HDAC9: variants seen among roughly 807,000 people sequenced by gnomAD.
The protein encoded by HDAC9 is MEF-2 interacting transcription repressor (MITR) protein.
A neutral mutation model predicts 139.4 loss-of-function variants in HDAC9; 41 were observed. The ratio of observed to expected loss-of-function variants is 0.29; its 90% confidence interval spans 0.23 to 0.38. The LOEUF (loss-of-function observed/expected upper bound fraction) is 0.38, where lower values mean the gene tolerates loss of function less well. Ranked by LOEUF, HDAC9 falls within the 10% of genes least tolerant of loss-of-function variation. The pLI is 1.00. For synonymous variants in HDAC9, 517 were observed against 476.2 expected (o/e 1.09, Z -1.12); for missense variants, 1,147 against 1,297.0 (o/e 0.88, Z 1.78).
intron 6 of HDAC9, among the ~76,000 whole-genome samples, chr7:18,614,561 A>G (rs1305671312): frequency 6.6e-6 from 1 of 152,020 alleles, no homozygotes; most frequent in African/African-American, 2.4e-5. Flanking sequence ...CTTGGTAAAT[A>G]TTTGTTGAAT....
At chr7:18,813,234 A>C (rs1323504824) in intron 17 of HDAC9, among the ~76,000 whole-genome samples, 1 of 152,124 alleles carries the variant, frequency 6.6e-6, no homozygotes, top group East Asian at 1.9e-4. Context: ...AAAGAAAAAG[A>C]AACAGTGGAG....
intron 21 of HDAC9, among the ~76,000 whole-genome samples, chr7:18,870,508 A>G (rs566388307): frequency 1.3e-5 from 2 of 152,268 alleles, no homozygotes; most frequent in Admixed American, 1.3e-4. Flanking sequence ...GATATGTCCA[A>G]TCATAGGAGA....
At chr7:18,481,502 C>T (rs1044754257) in intron 1 of HDAC9, among the ~76,000 whole-genome samples, 1 of 152,162 alleles carries the variant, frequency 6.6e-6, no homozygotes, top group African/African-American at 2.4e-5. Flanking sequence ...CTGCTGAACA[C>T]TATGGGTTAT....
At chr7:18,103,037 C>G (rs1333325537) in intron 1 of HDAC9, among the ~76,000 whole-genome samples, 1 of 152,168 alleles carries the variant, frequency 6.6e-6, no homozygotes. Context: ...AAGGGACTCA[C>G]AGTTCCACAT....
At chr7:18,471,315 G>A (rs1794705024) in intron 1 of HDAC9, among the ~76,000 whole-genome samples, 1 of 152,132 alleles carries the variant, frequency 6.6e-6, no homozygotes, top group Admixed American at 6.6e-5. Flanking sequence ...CACTGTCCCT[G>A]TATTTGATAT....
chr7:18,826,604 A>G (rs1157854835), intron 17 of HDAC9, among the ~76,000 whole-genome samples: 1 of 151,844 alleles, frequency 6.6e-6, no homozygotes, highest in Non-Finnish European at 1.5e-5. Context: ...TACTTCGTTC[A>G]AGGAATTTGG....
At chr7:18,812,925 T>C (rs1448480092) in intron 17 of HDAC9, among the ~76,000 whole-genome samples, 6 of 152,142 alleles carry the variant, frequency 3.9e-5, no homozygotes, top group Admixed American at 3.9e-4. Flanking sequence ...TTCAACCTGC[T>C]GCTAATATCA....
At position 18,739,240 on chromosome 7, in the gene HDAC9, C is replaced by T. The variant is rs1186378868; in HGVS notation, c.1910-9765C>T. The stretch of plus-strand genomic sequence containing the variant: ...TTAGCTCAGAGATGTTTGTTATTAC[C>T]AACCTTCTGAAGCCTACTTTTGTCA... On this transcript the variant is annotated intron_variant, in intron 13 of 25. Transcript: ENST00000686413. Among the ~76,000 whole-genome samples, 3 of 152,092 alleles carry T rather than the reference C, an allele frequency of 2.0e-5. No homozygotes were observed. In the East Asian group the frequency reaches 5.8e-4, roughly 29 times the overall value.
chr7:18,104,357 T>G (rs1425110099), intron 1 of HDAC9, among the ~76,000 whole-genome samples: 1 of 152,162 alleles, frequency 6.6e-6, no homozygotes, highest in Non-Finnish European at 1.5e-5. Flanking sequence ...AGGCCTTCAT[T>G]TTTTTAAAAC....
At chr7:18,350,221 C>A (rs1234793662) in intron 1 of HDAC9, among the ~76,000 whole-genome samples, 2 of 152,036 alleles carry the variant, frequency 1.3e-5, no homozygotes, top group East Asian at 1.9e-4. Flanking sequence ...CTGAAAACAT[C>A]ATTTCATTGA....
chr7:18,511,643 T>C (rs1348459173), intron 2 of HDAC9, among the ~76,000 whole-genome samples: 1 of 152,076 alleles, frequency 6.6e-6, no homozygotes, highest in Admixed American at 6.6e-5. Flanking sequence ...TTAAATTGTT[T>C]AGTGGACACA....
At chr7:18,990,066 T>C (rs1785743779) in intron 25 of HDAC9, among the ~76,000 whole-genome samples, 1 of 152,206 alleles carries the variant, frequency 6.6e-6, no homozygotes, top group Non-Finnish European at 1.5e-5. Context: ...TCAAAGTCAT[T>C]CTCCGTCCAG....
At chr7:18,289,540 AG>A (rs1481750649), upstream of HDAC9, among the ~76,000 whole-genome samples, 1 of 152,202 alleles carries the variant, frequency 6.6e-6, no homozygotes, top group African/African-American at 2.4e-5. Flanking sequence ...ATCAAAAGCA[AG>A]AGCTAGTGAG....
chr7:18,412,067 A>G (rs974431213), intron 1 of HDAC9, among the ~76,000 whole-genome samples: 2 of 151,558 alleles, frequency 1.3e-5, no homozygotes, highest in African/African-American at 2.4e-5. Context: ...ACCTCAAATG[A>G]TCCGCTTGCC....
At chr7:18,986,127 A>G (rs1785328965) in intron 25 of HDAC9, among the ~76,000 whole-genome samples, 1 of 6,086 alleles carries the variant, frequency 1.6e-4, no homozygotes, top group Admixed American at 1.4e-3. Context: ...TTGGTGTTTT[A>G]GACATGAAGT....
chr7:18,942,565 G>A (rs368273279), intron 23 of HDAC9, among the ~76,000 whole-genome samples: 7 of 151,998 alleles, frequency 4.6e-5, no homozygotes, highest in African/African-American at 1.4e-4. Context: ...GTTTGTTTTG[G>A]AGATGGCAGA....
At chr7:18,933,898 G>A (rs758821842) in intron 22 of HDAC9, among the ~76,000 whole-genome samples, 1 of 152,090 alleles carries the variant, frequency 6.6e-6, no homozygotes, top group Non-Finnish European at 1.5e-5. Flanking sequence ...CACTAAAGAT[G>A]TGATGTAGCA....
intron 12 of HDAC9, among the ~76,000 whole-genome samples, chr7:18,689,230 C>G (rs1008488097): frequency 8.3e-6 from 1 of 120,402 alleles, no homozygotes; most frequent in Non-Finnish European, 1.6e-5. Context: ...ATTGCAACTT[C>G]CAAATGAATA....
intron 13 of HDAC9, among the ~76,000 whole-genome samples, chr7:18,728,806 G>T (rs1785779900): frequency 6.6e-6 from 1 of 152,016 alleles, no homozygotes; most frequent in Non-Finnish European, 1.5e-5. Flanking sequence ...AAAAATTAAT[G>T]AATGAAATAG....
Sources: allele counts gnomAD v4.1 joint callset (sites outside exome capture counted in the v4.1 genomes callset), GRCh38; gene constraint gnomAD v4.1.1; transcripts MANE v1.5; gene names NCBI Gene and HGNC (gene_info 2026-07-23, HGNC 2026-07-21).